PLS3: variants seen among roughly 807,000 people sequenced by gnomAD.
The protein encoded by PLS3 is plastin-3.
In PLS3, 11 loss-of-function variants were observed where a neutral mutation model predicts 46.5. That is an observed-to-expected ratio of 0.24 (90% CI 0.15 to 0.39). The LOEUF (loss-of-function observed/expected upper bound fraction) is 0.39. Ranked by LOEUF, PLS3 falls within the 10% of genes least tolerant of loss-of-function variation. The pLI, the probability that PLS3 is intolerant of heterozygous loss-of-function variation, is 1.00. For missense variants in PLS3, 308 were observed against 461.8 expected, an observed-to-expected ratio of 0.67 and a Z score of 3.05; for synonymous variants, 167 against 162.2, an observed-to-expected ratio of 1.03 and a Z score of -0.22.
At chrX:115,621,140 A>T (rs1290471836) in intron 2 of PLS3, among the ~76,000 whole-genome samples, 3 of 109,972 alleles carry the variant, frequency 2.7e-5, no homozygotes, top group African/African-American at 9.9e-5. Context: ...CAGCCTCCCG[A>T]GTAGCTGAGA....
intron 1 of PLS3, among the ~76,000 whole-genome samples, chrX:115,588,211 A>G (rs2074322488): frequency 8.9e-6 from 1 of 112,444 alleles, no homozygotes; most frequent in Admixed American, 9.5e-5. Flanking sequence ...CAACCTTTGA[A>G]AAACTACCAC....
chrX:115,645,954 T>C, intron 11 of PLS3, 118 bp from the exon 12 acceptor site: 1 of 480,430 alleles, frequency 2.1e-6, no homozygotes, highest in Admixed American at 3.4e-5. Context: ...AAAATATGAG[T>C]CTTGGGTATT....
At chrX:115,622,147 T>C in intron 2 of PLS3, 99 bp from the exon 3 acceptor site, 4 of 626,135 alleles carry the variant, frequency 6.4e-6, no homozygotes, top group Non-Finnish European at 7.5e-6. Context: ...ATATTTTATG[T>C]AAGTGAGCTT....
intron 1 of PLS3, among the ~76,000 whole-genome samples, chrX:115,589,396 G>A (rs1428084807): frequency 4.5e-5 from 5 of 111,944 alleles, no homozygotes; most frequent in African/African-American, 1.6e-4. Context: ...CTAATGCTGT[G>A]CCTGGTATGA....
Position 115,647,301 on chromosome X carries a change from T to C in PLS3, c.1512-249T>C, listed in dbSNP as rs370690416. 2.7e-3 allele frequency among the ~76,000 whole-genome samples: 296 copies of C among 110,841 alleles called. 1 individual carries two copies. Among genetic ancestry groups the C allele is most frequent in the African/African-American group, 9.2e-3 (281 of 30,568 alleles). On this transcript the variant is annotated intron_variant, in intron 13 of 15. Coordinates refer to ENST00000355899, the MANE Select transcript of PLS3 (RefSeq NM_005032.7). ...ATAAAAAATTAGCCGGGCGTGGTGG[T>C]GGGCACCTGTAGTCCCAGCTACTCA... is the stretch of plus-strand genomic sequence containing the variant.
intron 9 of PLS3, among the ~76,000 whole-genome samples, chrX:115,642,499 TCCTC>T (rs2074908488): frequency 9.0e-6 from 1 of 111,126 alleles, no homozygotes; most frequent in African/African-American, 3.3e-5. Flanking sequence ...CAGCACAACT[TCCTC>T]TCTCTCTAGC....
intron 1 of PLS3, among the ~76,000 whole-genome samples, chrX:115,597,131 T>G (rs5946081): frequency 9.2e-6 from 1 of 108,426 alleles, no homozygotes; most frequent in African/African-American, 3.4e-5. Context: ...GGCGACAGAG[T>G]GAGACTCTGC....
chrX:115,561,810 G>C (rs931780549), intron 1 of PLS3, among the ~76,000 whole-genome samples: 2 of 111,479 alleles, frequency 1.8e-5, no homozygotes, highest in Non-Finnish European at 3.8e-5. Flanking sequence ...GCTCTGGAGA[G>C]GGGGGGCCGT....
At chrX:115,578,691 C>CAAAAAAAAAA (rs373605509) in intron 1 of PLS3, among the ~76,000 whole-genome samples, 1 of 26,937 alleles carries the variant, frequency 3.7e-5, no homozygotes, top group Non-Finnish European at 6.9e-5. Flanking sequence ...CGCCACTGCA[C>CAAAAAAAAAA]AAAAAAAAAA....
intron 1 of PLS3, among the ~76,000 whole-genome samples, chrX:115,566,825 C>T (rs903597957): frequency 3.6e-5 from 4 of 110,462 alleles, no homozygotes; most frequent in African/African-American, 1.3e-4. Context: ...ATTACAGGCG[C>T]GTACCACCAC....
chrX:115,580,432 A>G (rs1556631707), intron 1 of PLS3, among the ~76,000 whole-genome samples: 1 of 112,436 alleles, frequency 8.9e-6, no homozygotes. Flanking sequence ...GTCCTCGTCT[A>G]CTGACATGGT....
intron 7 of PLS3, among the ~76,000 whole-genome samples, chrX:115,635,678 GA>G (rs1327055357): frequency 2.0e-5 from 2 of 100,372 alleles, no homozygotes; most frequent in Non-Finnish European, 2.0e-5. Context: ...AAGAAAGAAA[GA>G]AAAAAAAAGA....
chrX:115,648,797 A>G (rs1280759932), intron 15 of PLS3, among the ~76,000 whole-genome samples: 1 of 111,645 alleles, frequency 9.0e-6, no homozygotes, highest in Non-Finnish European at 1.9e-5. Context: ...TTTTCTAGAA[A>G]CTCGATGATT....
chrX:115,638,379 G>A (rs2074859162), intron 8 of PLS3, among the ~76,000 whole-genome samples: 1 of 111,662 alleles, frequency 9.0e-6, no homozygotes, highest in African/African-American at 3.3e-5. Context: ...AAAGTGCTGG[G>A]ATTACAGGCA....
At chrX:115,598,171 G>A (rs1359289385) in intron 1 of PLS3, among the ~76,000 whole-genome samples, 1 of 108,827 alleles carries the variant, frequency 9.2e-6, no homozygotes, top group African/African-American at 3.4e-5. Context: ...GTGATATTGC[G>A]TGCCTGTAAT....
chrX:115,648,676 C>T (rs5987963), intron 15 of PLS3, among the ~76,000 whole-genome samples: 16,268 of 111,188 alleles, frequency 0.15, 2,004 homozygotes, highest in African/African-American at 0.41. Flanking sequence ...AGAAGCATTC[C>T]TGCAAAACTT....
intron 2 of PLS3, among the ~76,000 whole-genome samples, chrX:115,617,888 G>A (rs1300530586): frequency 8.9e-6 from 1 of 111,772 alleles, no homozygotes; most frequent in Admixed American, 9.5e-5. Context: ...GAGGATACAG[G>A]CAAATAGTAA....
At chrX:115,583,679 G>A (rs1556632077) in intron 1 of PLS3, among the ~76,000 whole-genome samples, 1 of 112,304 alleles carries the variant, frequency 8.9e-6, no homozygotes, top group Non-Finnish European at 1.9e-5. Context: ...CATTTAAAGG[G>A]GATTTTATAT....
At chrX:115,616,067 G>A (rs782043811) in intron 2 of PLS3, among the ~76,000 whole-genome samples, 1 of 111,956 alleles carries the variant, frequency 8.9e-6, no homozygotes, top group African/African-American at 3.2e-5. Flanking sequence ...GTTTCCAGTT[G>A]TTAAAACGAC....
Sources: gnomAD v4.1 joint callset for allele counts (sites outside exome capture counted in the v4.1 genomes callset) on GRCh38, gnomAD v4.1.1 for gene constraint, MANE v1.5 for transcripts, NCBI Gene and HGNC (gene_info 2026-07-23, HGNC 2026-07-21) for gene names.